The following AP3S1 variants were observed in gnomAD, a reference collection of about 807,000 sequenced individuals.
AP3S1 encodes AP-3 complex subunit sigma-1.
AP3S1 carries 12 observed loss-of-function variants against 21.3 expected under a neutral mutation model. The observed-to-expected ratio is 0.56, with a 90% CI of 0.36 to 0.91. The LOEUF (loss-of-function observed/expected upper bound fraction) is 0.91. AP3S1 is among the 40% of genes least tolerant of loss of function. The pLI, the probability that AP3S1 is intolerant of heterozygous loss-of-function variation, is 0.01. For synonymous variants in AP3S1, 48 were observed against 78.4 expected (o/e 0.61, Z 2.05); for missense variants, 116 against 225.0 (o/e 0.52, Z 3.10).
rs773033432 is a variant in AP3S1, at chr5:115,842,004, C to T, written c.-34C>T. 59 of 1,570,174 alleles carry T rather than the reference C, an allele frequency of 3.8e-5. No homozygotes were observed. The highest frequency in any genetic ancestry group is 1.2e-5 in the Non-Finnish European group (14 of 1,159,374). On this transcript the variant is annotated 5_prime_UTR_variant, in exon 1 of 6. Coordinates refer to ENST00000316788, the MANE Select transcript of AP3S1 (RefSeq NM_001284.4). ...GCTCGCGCGCCCGCCCCCGCCCTGG[C>T]CCCCAGTGCCCACCCGGTCGGCCCG... is the stretch of plus-strand genomic sequence containing the variant.
intron 5 of AP3S1, chr5:115,909,066 C>T: frequency 1.4e-6 from 1 of 718,228 alleles, no homozygotes; most frequent in Non-Finnish European, 1.7e-6. Flanking sequence ...CAACTACCAT[C>T]TTATTATGCT....
intron 5 of AP3S1, among the ~76,000 whole-genome samples, chr5:115,907,644 A>T (rs1751762189): frequency 6.6e-6 from 1 of 152,278 alleles, no homozygotes; most frequent in South Asian, 2.1e-4. Flanking sequence ...AATCAGAATC[A>T]ATAAAAATAT....
chr5:115,907,712 A>C (rs927146794), intron 5 of AP3S1, among the ~76,000 whole-genome samples: 1 of 152,172 alleles, frequency 6.6e-6, no homozygotes, highest in African/African-American at 2.4e-5. Context: ...CGTATTGGCA[A>C]ATATTGGAAA....
chr5:115,877,363 C>T (rs925414203), intron 3 of AP3S1, among the ~76,000 whole-genome samples: 1 of 152,104 alleles, frequency 6.6e-6, no homozygotes, highest in African/African-American at 2.4e-5. Flanking sequence ...CCCTCCACCC[C>T]CTGACAAGTC....
intron 1 of AP3S1, among the ~76,000 whole-genome samples, chr5:115,865,945 C>G (rs1052022429): frequency 6.6e-6 from 1 of 152,128 alleles, no homozygotes; most frequent in Non-Finnish European, 1.5e-5. Context: ...ATTACAGGCA[C>G]GTGCCACCAC....
At chr5:115,872,513 T>C (rs946612836) in intron 3 of AP3S1, among the ~76,000 whole-genome samples, 7 of 152,104 alleles carry the variant, frequency 4.6e-5, no homozygotes, top group Non-Finnish European at 1.0e-4. Context: ...AACGTAAACA[T>C]GTATATATTA....
At chr5:115,856,145 A>G (rs1002429) in intron 1 of AP3S1, among the ~76,000 whole-genome samples, 5,299 of 152,226 alleles carry the variant, frequency 0.035, 119 homozygotes, top group Middle Eastern at 0.071. Flanking sequence ...TTGTGAAACT[A>G]TAGTGTTAGG....
intron 1 of AP3S1, among the ~76,000 whole-genome samples, chr5:115,853,377 G>T (rs753700848): frequency 1.3e-5 from 2 of 152,092 alleles, no homozygotes; most frequent in African/African-American, 2.4e-5. Context: ...TCCTTTGTCA[G>T]GTATATGATG....
At chr5:115,848,298 T>G (rs1762206266) in intron 1 of AP3S1, among the ~76,000 whole-genome samples, 1 of 152,196 alleles carries the variant, frequency 6.6e-6, no homozygotes, top group Admixed American at 6.5e-5. Flanking sequence ...GTCTTTATTT[T>G]TCTTTTCAGA....
intron 4 of AP3S1, among the ~76,000 whole-genome samples, chr5:115,897,453 G>C (rs1402532434): frequency 6.6e-6 from 1 of 152,018 alleles, no homozygotes; most frequent in Admixed American, 6.5e-5. Flanking sequence ...TCAGCCCTTT[G>C]ATGAAAATTA....
rs1253887475 is a variant in AP3S1, at chr5:115,842,106, C to A, written c.69C>A (p.Tyr23Ter). The change falls in exon 1 of 6, where the codon TAC becomes TAA. Residue 23 changes from tyrosine (Y) to a stop codon, truncating the protein, a stop_gained and splice_region_variant. Transcript: ENST00000316788. LOFTEE classifies it high-confidence loss of function. ...KPRLSKFYQP[Y>*]SEDTQQQIIR... ...GGCTCTCCAAGTTCTACCAGCCCTA[C>A]GTGAGTATCCAGCCGCCGCTGATCC... 18 of 1,534,308 alleles carry A rather than the reference C, an allele frequency of 1.2e-5. No individual in the cohort carries two copies. The highest frequency in any genetic ancestry group is 1.6e-5 in the Non-Finnish European group (18 of 1,139,130).
At chr5:115,844,631 T>C (rs1293168053) in intron 1 of AP3S1, among the ~76,000 whole-genome samples, 1 of 152,220 alleles carries the variant, frequency 6.6e-6, no homozygotes, top group East Asian at 1.9e-4. Context: ...TGGAAGTGTC[T>C]GTTTGTGTAG....
intron 3 of AP3S1, among the ~76,000 whole-genome samples, chr5:115,880,464 A>T (rs1282661544): frequency 2.0e-5 from 3 of 152,192 alleles, no homozygotes; most frequent in African/African-American, 7.2e-5. Context: ...TTTACCCAGT[A>T]GTCACTCTGG....
At chr5:115,901,087 A>G (rs1751166026) in intron 4 of AP3S1, among the ~76,000 whole-genome samples, 1 of 152,178 alleles carries the variant, frequency 6.6e-6, no homozygotes, top group Non-Finnish European at 1.5e-5. Flanking sequence ...TATATCAGGC[A>G]CCAGTCTCTT....
intron 3 of AP3S1, among the ~76,000 whole-genome samples, chr5:115,883,944 C>G (rs1749536973): frequency 6.6e-6 from 1 of 152,128 alleles, no homozygotes; most frequent in Admixed American, 6.5e-5. Context: ...CCGGTTCTTT[C>G]TTAGAATTCT....
chr5:115,888,875 C>CT (rs1441470304), intron 3 of AP3S1, among the ~76,000 whole-genome samples: 5 of 152,200 alleles, frequency 3.3e-5, no homozygotes, highest in African/African-American at 1.2e-4. Flanking sequence ...GCTGGGCACT[C>CT]TATCTAAATT....
chr5:115,903,718 T>A (rs893879376), intron 5 of AP3S1: 1 of 152,152 alleles, frequency 6.6e-6, no homozygotes, highest in African/African-American at 2.4e-5. Flanking sequence ...TACTTCAGAA[T>A]TGTAGTGACT....
At chr5:115,888,691 A>G (rs1214638338) in intron 3 of AP3S1, among the ~76,000 whole-genome samples, 1 of 152,010 alleles carries the variant, frequency 6.6e-6, no homozygotes, top group Non-Finnish European at 1.5e-5. Context: ...TTCCTAAGTT[A>G]ACAAATTACA....
At chr5:115,884,495 G>A (rs765422931) in intron 3 of AP3S1, among the ~76,000 whole-genome samples, 36 of 152,176 alleles carry the variant, frequency 2.4e-4, no homozygotes, top group Admixed American at 5.2e-4. Flanking sequence ...AACCCCAGGC[G>A]GGGAGGGGAG....
Sources: gnomAD v4.1 joint callset for allele counts (sites outside exome capture counted in the v4.1 genomes callset) on GRCh38, gnomAD v4.1.1 for gene constraint, MANE v1.5 for transcripts, NCBI Gene and HGNC (gene_info 2026-07-23, HGNC 2026-07-21) for gene names.